EXOC4: variants seen among roughly 807,000 people sequenced by gnomAD.
The protein encoded by EXOC4 is SEC8-like 1.
EXOC4 carries 71 observed loss-of-function variants against 107.2 expected under a neutral mutation model. That is an observed-to-expected ratio of 0.66 (90% CI 0.55 to 0.81). The LOEUF is 0.81. Among genes scored for constraint, EXOC4 ranks in the 30% least tolerant of loss-of-function variants. The pLI, the probability that EXOC4 is intolerant of heterozygous loss-of-function variation, is 0.00. For synonymous variants in EXOC4, 456 were observed against 441.2 expected, an observed-to-expected ratio of 1.03 and a Z score of -0.42; for missense variants, 1,108 against 1,189.6, an observed-to-expected ratio of 0.93 and a Z score of 1.01.
chr7:133,425,370 C>A (rs1797701133), intron 7 of EXOC4, among the ~76,000 whole-genome samples: 1 of 152,166 alleles, frequency 6.6e-6, no homozygotes, highest in South Asian at 2.1e-4. Flanking sequence ...TCACTGCAAC[C>A]TCTGCCTACC....
intron 10 of EXOC4, among the ~76,000 whole-genome samples, chr7:133,723,724 C>CG (rs1242984470): frequency 6.6e-6 from 1 of 152,116 alleles, no homozygotes; most frequent in Non-Finnish European, 1.5e-5. Context: ...CTCCTGGCCT[C>CG]GGGTAAGGTA....
intron 17 of EXOC4, among the ~76,000 whole-genome samples, chr7:134,017,409 A>G (rs1292677810): frequency 6.6e-6 from 1 of 152,214 alleles, no homozygotes; most frequent in Non-Finnish European, 1.5e-5. Context: ...TTCCACTGCC[A>G]GATAGAAAGA....
intron 17 of EXOC4, among the ~76,000 whole-genome samples, chr7:134,062,691 CTG>C (rs201045223): frequency 0.03 from 4,597 of 152,284 alleles, 189 homozygotes; most frequent in African/African-American, 0.095. Flanking sequence ...GGCTCAGAGT[CTG>C]TGTTGAACTT....
chr7:134,004,378 G>C (rs114487283), intron 15 of EXOC4, among the ~76,000 whole-genome samples: 63 of 152,182 alleles, frequency 4.1e-4, no homozygotes, highest in African/African-American at 1.2e-3. Context: ...CCCATATTTC[G>C]TGGATAAGGA....
intron 9 of EXOC4, among the ~76,000 whole-genome samples, chr7:133,587,100 C>T (rs925443384): frequency 1.3e-5 from 2 of 152,106 alleles, no homozygotes; most frequent in Admixed American, 1.3e-4. Context: ...TCCAGAAGTG[C>T]TGGGATTACA....
At chr7:133,334,535 G>A (rs181037361) in intron 5 of EXOC4, among the ~76,000 whole-genome samples, 8 of 152,126 alleles carry the variant, frequency 5.3e-5, no homozygotes, top group Admixed American at 3.3e-4. Flanking sequence ...ATTTATCATA[G>A]GTCAACCACT....
In EXOC4 at chr7:133,921,704, G is replaced by C. The variant is rs540007471; in HGVS notation, c.2027+3966G>C. 3.3e-5 allele frequency among the ~76,000 whole-genome samples: 5 copies of C among 152,160 alleles called. No individual in the cohort carries two copies. In the East Asian group the frequency reaches 9.7e-4, roughly 29 times the overall value. ...TGCTTGGTGTTTTCTGAGCCTCCCA[G>C]ATCTGTAGTGTAGTGAGGTATCTCT... is the stretch of plus-strand genomic sequence containing the variant. On this transcript the variant is annotated intron_variant, in intron 13 of 17. Transcript: ENST00000253861.
intron 11 of EXOC4, among the ~76,000 whole-genome samples, chr7:133,869,081 G>T (rs1380675374): frequency 2.0e-5 from 3 of 150,958 alleles, no homozygotes; most frequent in African/African-American, 7.3e-5. Context: ...CTCCCTGAAG[G>T]CCCAACTGAG....
At chr7:134,093,510 G>A in the EXOC4 span, among the ~76,000 whole-genome samples, 1 of 152,114 alleles carries the variant, frequency 6.6e-6, no homozygotes. Context: ...GCATTACACA[G>A]GTCATCGAGG....
intron 12 of EXOC4, among the ~76,000 whole-genome samples, chr7:133,903,859 A>G (rs1432269741): frequency 1.3e-5 from 2 of 152,338 alleles, no homozygotes; most frequent in African/African-American, 4.8e-5. Context: ...ATCAAAGGAC[A>G]TTGACAAGCA....
At chr7:133,567,239 G>A (rs183193481) in intron 9 of EXOC4, among the ~76,000 whole-genome samples, 189 of 151,292 alleles carry the variant, frequency 1.2e-3, no homozygotes, top group African/African-American at 4.4e-3. Context: ...AAATTTTTTG[G>A]CATATATAAG....
intron 11 of EXOC4, among the ~76,000 whole-genome samples, chr7:133,845,325 G>A (rs1295277266): frequency 7.2e-6 from 1 of 138,998 alleles, no homozygotes; most frequent in Non-Finnish European, 1.5e-5. Flanking sequence ...AGCATGATAG[G>A]CAGGTTAGTA....
In EXOC4 at chr7:134,017,403, A is replaced by G. The variant is rs1015111835; in HGVS notation, c.2687+9568A>G. Among the ~76,000 whole-genome samples, 18 of 152,314 alleles carry G rather than the reference A, an allele frequency of 1.2e-4. No individual in the cohort carries two copies. In the East Asian group the frequency reaches 2.9e-3, roughly 24 times the overall value. ...AAATGCGATGGTTTACATGGCTTCCACTGCCAGATAGAAAGAAATATACCA... is the reference window on the plus strand; with the variant it reads ...AAATGCGATGGTTTACATGGCTTCCGCTGCCAGATAGAAAGAAATATACCA... On this transcript the variant is annotated intron_variant, in intron 17 of 17. Coordinates refer to ENST00000253861, the MANE Select transcript of EXOC4 (RefSeq NM_021807.4).
chr7:133,713,372 T>A (rs1794934248), intron 10 of EXOC4, among the ~76,000 whole-genome samples: 2 of 152,228 alleles, frequency 1.3e-5, no homozygotes, highest in Admixed American at 6.5e-5. Context: ...ACCAATTATT[T>A]TTTTTTCACA....
At chr7:133,911,775 G>C (rs547680317) in intron 12 of EXOC4, among the ~76,000 whole-genome samples, 1 of 152,184 alleles carries the variant, frequency 6.6e-6, no homozygotes, top group Non-Finnish European at 1.5e-5. Context: ...GGGCCAGCAT[G>C]GATGCGCTCA....
intron 17 of EXOC4, among the ~76,000 whole-genome samples, chr7:134,049,510 C>T (rs1795731928): frequency 6.6e-6 from 1 of 152,194 alleles, no homozygotes; most frequent in African/African-American, 2.4e-5. Context: ...GTTTCCTTTG[C>T]TCGTGGAGGA....
intron 10 of EXOC4, among the ~76,000 whole-genome samples, chr7:133,788,746 G>A (rs1796642935): frequency 6.6e-6 from 1 of 152,116 alleles, no homozygotes; most frequent in African/African-American, 2.4e-5. Context: ...ACCTGCCTCG[G>A]CCTCCCAAAG....
intron 10 of EXOC4, among the ~76,000 whole-genome samples, chr7:133,742,213 T>C (rs1488842910): frequency 6.6e-6 from 1 of 152,210 alleles, no homozygotes; most frequent in Non-Finnish European, 1.5e-5. Context: ...CCCATGCTTC[T>C]TGGATTAGAC....
At position 133,893,881 on chromosome 7, in the gene EXOC4, T is replaced by C. The variant is rs1799242721; in HGVS notation, c.1735-1718T>C. ...AACATTTTTTCCTTCATTTCAACTTTGGTGAATCTGATAATTATGTGTCTT... is the reference window on the plus strand; with the variant it reads ...AACATTTTTTCCTTCATTTCAACTTCGGTGAATCTGATAATTATGTGTCTT... On this transcript the variant is annotated intron_variant, in intron 11 of 17. Transcript: ENST00000253861. Among the ~76,000 whole-genome samples the C allele has an allele frequency of 2.8e-5, 2 of 72,576 alleles. 1 individual carries two copies. Among genetic ancestry groups the C allele is most frequent in the Non-Finnish European group, 4.7e-5 (2 of 42,586 alleles). The allele number at this position is 72,576 out of a possible 152,430, so 47.6% of individuals were successfully genotyped here.
Sources: gnomAD v4.1 joint callset for allele counts (sites outside exome capture counted in the v4.1 genomes callset) on GRCh38, gnomAD v4.1.1 for gene constraint, MANE v1.5 for transcripts, NCBI Gene and HGNC (gene_info 2026-07-23, HGNC 2026-07-21) for gene names.